LEO1: variants seen among roughly 807,000 people sequenced by gnomAD.
The protein encoded by LEO1 is LEO1 component of Paf1/RNA polymerase II complex.
In LEO1, 34 loss-of-function variants were observed where a neutral mutation model predicts 80.4. The ratio of observed to expected loss-of-function variants is 0.42; its 90% CI spans 0.32 to 0.56. LEO1 has a LOEUF of 0.56. LEO1 is among the 20% of genes least tolerant of loss of function. The pLI is 0.10. For synonymous variants in LEO1, 262 were observed against 274.9 expected (o/e 0.95, Z 0.46); for missense variants, 631 against 814.2 (o/e 0.77, Z 2.74).
chr15:51,963,051 T>C (rs921586311), intron 2 of LEO1, among the ~76,000 whole-genome samples: 28 of 151,522 alleles, frequency 1.8e-4, no homozygotes, highest in Non-Finnish European at 4.4e-5. Flanking sequence ...ACGAGGTGGG[T>C]GGATCACTTG....
At chr15:51,966,917 A>AAAAAAG (rs1385315185) in intron 1 of LEO1, among the ~76,000 whole-genome samples, 1 of 152,104 alleles carries the variant, frequency 6.6e-6, no homozygotes, top group Non-Finnish European at 1.5e-5. Flanking sequence ...TCTCAAAGAA[A>AAAAAAG]AAAAAGAAAA....
chr15:51,947,879 G>T (rs535459538), intron 10 of LEO1, among the ~76,000 whole-genome samples: 75 of 152,284 alleles, frequency 4.9e-4, no homozygotes, highest in Non-Finnish European at 8.2e-4. Flanking sequence ...ATGCGGAAAT[G>T]AAGCAGACTT....
At chr15:51,956,333 T>C (rs984313774) in intron 6 of LEO1, among the ~76,000 whole-genome samples, 12 of 151,598 alleles carry the variant, frequency 7.9e-5, no homozygotes, top group Admixed American at 7.2e-4. Flanking sequence ...GGCTGGAGAA[T>C]TGCTTGAACC....
intron 5 of LEO1, among the ~76,000 whole-genome samples, chr15:51,959,647 A>C (rs2057015166): frequency 6.6e-6 from 1 of 152,198 alleles, no homozygotes; most frequent in African/African-American, 2.4e-5. Flanking sequence ...TAATTAAAAA[A>C]ATACCTTGAA....
intron 2 of LEO1, 105 bp from the exon 3 acceptor site, chr15:51,962,598 T>A: frequency 1.4e-6 from 1 of 690,914 alleles, no homozygotes; most frequent in South Asian, 1.8e-5. Flanking sequence ...AATGGACTAC[T>A]ACTCAGCAAT....
intron 6 of LEO1, among the ~76,000 whole-genome samples, chr15:51,957,237 A>C (rs2056996694): frequency 6.6e-6 from 1 of 152,218 alleles, no homozygotes; most frequent in African/African-American, 2.4e-5. Context: ...AAAAAGACAA[A>C]ATTAAATAAA....
At chr15:51,939,700 A>G (rs2056832017) in intron 11 of LEO1, among the ~76,000 whole-genome samples, 1 of 152,248 alleles carries the variant, frequency 6.6e-6, no homozygotes, top group Non-Finnish European at 1.5e-5. Context: ...AACGTTTTAC[A>G]TGCAATCACT....
intron 4 of LEO1, 137 bp from the exon 5 acceptor site, chr15:51,960,181 A>G: frequency 3.2e-6 from 2 of 615,834 alleles, no homozygotes; most frequent in Admixed American, 3.5e-5. Flanking sequence ...CCCAGTCCCC[A>G]TCCCAACCCA....
At chr15:51,955,291 C>CT (rs1041145102) in intron 6 of LEO1, among the ~76,000 whole-genome samples, 1 of 152,094 alleles carries the variant, frequency 6.6e-6, no homozygotes, top group Non-Finnish European at 1.5e-5. Context: ...TCTCACAGAG[C>CT]TAAAAACTCC....
intron 3 of LEO1, 118 bp from the exon 4 acceptor site, chr15:51,960,851 C>T: frequency 1.5e-6 from 1 of 648,424 alleles, no homozygotes; most frequent in South Asian, 1.9e-5. Context: ...CCACCAAAAA[C>T]ATAATGCTGA....
At chr15:51,949,699 C>CA (rs11387025) in intron 10 of LEO1, 109 bp downstream of exon 10, 245,538 of 706,226 alleles carry the variant, frequency 0.35, 9,354 homozygotes, top group Admixed American at 0.38. Context: ...GACTCCGTCT[C>CA]AAAAAAAAAA....
In LEO1 at chr15:51,954,453, C is replaced by T. The variant is rs377358615; in HGVS notation, c.1340+28G>A. ...TCCCTCTGACCCGTTCTGGGTATGT[C>T]AATACCCTTCAGGCGTTTTGTGCTC... is the stretch of plus-strand genomic sequence containing the variant. On this transcript the variant is annotated intron_variant, in intron 7 of 11. Coordinates refer to ENST00000299601, the MANE Select transcript of LEO1 (RefSeq NM_138792.4). The T allele has an allele frequency of 1.8e-5, 25 of 1,405,922 alleles. No individual in the cohort carries two copies. In the African/African-American group the frequency reaches 3.5e-4, roughly 20 times the overall value. The allele number at this position is 1,405,922 out of a possible 1,614,324, so 87.1% of individuals were successfully genotyped here.
chr15:51,962,922 CAT>C, intron 2 of LEO1, among the ~76,000 whole-genome samples: 3 of 117,164 alleles, frequency 2.6e-5, no homozygotes, highest in African/African-American at 9.7e-5. Context: ...ACATGCAGAA[CAT>C]GCCCCCCCCC....
At chr15:51,957,375 A>C (rs1027891407) in intron 6 of LEO1, among the ~76,000 whole-genome samples, 2 of 152,314 alleles carry the variant, frequency 1.3e-5, no homozygotes, top group South Asian at 4.1e-4. Context: ...CTAAGCCTAA[A>C]TCAATACATC....
chr15:51,959,662 TGTG>T (rs1457473465), intron 5 of LEO1, among the ~76,000 whole-genome samples: 2 of 152,192 alleles, frequency 1.3e-5, no homozygotes, highest in Admixed American at 1.3e-4. Flanking sequence ...CTTGAACACT[TGTG>T]GTGTCTGTTA....
Position 51,962,410 on chromosome 15 carries a change from T to G in LEO1, c.898A>C (p.Ser300Arg). ...NAIASDSEADSDTEVPKDNSG... is the reference protein window; with the variant it reads ...NAIASDSEADRDTEVPKDNSG... The stretch of plus-strand genomic sequence containing the variant: ...ATACCTTTTGGCACCTCAGTGTCAC[T>G]ATCCGCTTCTGAATCAGATGCAATC... Residue 300 changes from serine to arginine, a missense_variant, in exon 3 of 12, where the codon AGT becomes CGT. Physicochemically the swap from Ser to Arg is moderately radical, Grantham distance 110. Coordinates refer to ENST00000299601, the MANE Select transcript of LEO1 (RefSeq NM_138792.4). 6.2e-7 allele frequency: 1 copy of G among 1,612,036 alleles called. No homozygotes were observed. The highest frequency in any genetic ancestry group is 8.5e-7 in the Non-Finnish European group (1 of 1,178,428).
In LEO1 at chr15:51,959,762, T is replaced by A. The variant is rs566411776; in HGVS notation, c.1160+137A>T. On this transcript the variant is annotated intron_variant, in intron 5 of 11. Coordinates refer to ENST00000299601, the MANE Select transcript of LEO1 (RefSeq NM_138792.4). The stretch of plus-strand genomic sequence containing the variant: ...TACATATTTTTTCTATCTCAGGATG[T>A]GCTTGACTAATTTTTTCAGAGATAC... 7 of 720,298 alleles carry A rather than the reference T, an allele frequency of 9.7e-6. No homozygotes were observed. The African/African-American group carries it at 1.3e-4, about 13-fold the overall frequency. The allele number at this position is 720,298 out of a possible 1,614,324, so 44.6% of individuals were successfully genotyped here.
chr15:51,939,556 GC>G (rs1339911201), intron 11 of LEO1, among the ~76,000 whole-genome samples: 1 of 152,106 alleles, frequency 6.6e-6, no homozygotes, highest in African/African-American at 2.4e-5. Flanking sequence ...GATGGACCCT[GC>G]CCCCAAGAAG....
intron 11 of LEO1, among the ~76,000 whole-genome samples, chr15:51,939,190 A>AAAAT (rs544893545): frequency 3.3e-5 from 5 of 152,354 alleles, no homozygotes; most frequent in South Asian, 2.1e-4. Context: ...CTCCGTCTCA[A>AAAAT]AAATAAATAA....
Sources: allele counts gnomAD v4.1 joint callset (sites outside exome capture counted in the v4.1 genomes callset), GRCh38; gene constraint gnomAD v4.1.1; transcripts MANE v1.5; gene names NCBI Gene and HGNC (gene_info 2026-07-23, HGNC 2026-07-21).